SEMA5A: variants seen among roughly 807,000 people sequenced by gnomAD.
The protein encoded by SEMA5A is semaphorin 5A.
A neutral mutation model predicts 135.5 loss-of-function variants in SEMA5A; 55 were observed. The ratio of observed to expected loss-of-function variants is 0.41; its 90% confidence interval spans 0.33 to 0.51. The LOEUF is 0.51. Among genes scored for constraint, SEMA5A ranks in the 20% least tolerant of loss-of-function variants. The pLI is 0.37. For missense variants in SEMA5A, 1,290 were observed against 1,419.9 expected, an observed-to-expected ratio of 0.91 and a Z score of 1.47; for synonymous variants, 580 against 546.5, an observed-to-expected ratio of 1.06 and a Z score of -0.85.
At chr5:9,457,303 C>A (rs1579572379) in intron 1 of SEMA5A, among the ~76,000 whole-genome samples, 1 of 152,324 alleles carries the variant, frequency 6.6e-6, no homozygotes, top group African/African-American at 2.4e-5. Flanking sequence ...TAAGTTCAAA[C>A]CCTGTCACCA....
At chr5:9,403,809 ACAGCT>A (rs1756766714) in intron 2 of SEMA5A, among the ~76,000 whole-genome samples, 1 of 152,230 alleles carries the variant, frequency 6.6e-6, no homozygotes, top group Non-Finnish European at 1.5e-5. Context: ...CTGTTCACAG[ACAGCT>A]CTCCTCTTCT....
intron 16 of SEMA5A, among the ~76,000 whole-genome samples, chr5:9,082,331 G>A (rs558395145): frequency 5.9e-5 from 9 of 152,286 alleles, no homozygotes; most frequent in African/African-American, 2.2e-4. Context: ...GGGGAAAATT[G>A]TCTAAAATAT....
At chr5:9,455,183 C>G (rs1184354841) in intron 1 of SEMA5A, among the ~76,000 whole-genome samples, 2 of 152,240 alleles carry the variant, frequency 1.3e-5, no homozygotes, top group African/African-American at 2.4e-5. Context: ...TGCAGACTAA[C>G]GGCACCTCTG....
intron 4 of SEMA5A, among the ~76,000 whole-genome samples, chr5:9,322,441 C>T (rs1054672478): frequency 1.3e-5 from 2 of 152,082 alleles, no homozygotes; most frequent in East Asian, 1.9e-4. Flanking sequence ...ATACCATCAC[C>T]AGCACCAGCA....
chr5:9,080,915 ATCT>A (rs1421272280), intron 16 of SEMA5A, among the ~76,000 whole-genome samples: 23 of 152,188 alleles, frequency 1.5e-4, no homozygotes, highest in African/African-American at 5.6e-4. Context: ...GCTCTGCATA[ATCT>A]TCTCTCTTGG....
chr5:9,473,495 C>T (rs188070355), intron 1 of SEMA5A, among the ~76,000 whole-genome samples: 3 of 151,414 alleles, frequency 2.0e-5, no homozygotes, highest in Admixed American at 6.6e-5. Flanking sequence ...ATCAGGCTAC[C>T]AAGACGAAGG....
intron 1 of SEMA5A, among the ~76,000 whole-genome samples, chr5:9,538,771 T>C (rs7703528): frequency 0.82 from 124,671 of 152,138 alleles, 51,132 homozygotes; most frequent in Non-Finnish European, 0.85. Flanking sequence ...GAAGAAAGTG[T>C]TTCAGTATCA....
intron 4 of SEMA5A, among the ~76,000 whole-genome samples, chr5:9,333,146 A>C (rs908962134): frequency 1.3e-5 from 2 of 152,138 alleles, no homozygotes; most frequent in African/African-American, 4.8e-5. Context: ...CATTTTAGAA[A>C]CTGAGATAGA....
At position 9,123,236 on chromosome 5, in the gene SEMA5A, G is replaced by A. The variant is rs574149471; in HGVS notation, c.1600-399C>T. On this transcript the variant is annotated intron_variant, in intron 13 of 22. Coordinates refer to ENST00000382496, the MANE Select transcript of SEMA5A (RefSeq NM_003966.3). Reference sequence around the variant, plus strand: ...ATCGCACCACTGCACTCCAGCCTGAGGGAAGGAGCGAGACTCCGCCTCAAA... The same window carrying A: ...ATCGCACCACTGCACTCCAGCCTGAAGGAAGGAGCGAGACTCCGCCTCAAA... 5.0e-5 allele frequency among the ~76,000 whole-genome samples: 6 copies of A among 120,494 alleles called. 1 individual carries two copies. In the East Asian group the frequency reaches 1.5e-3, roughly 30 times the overall value. The allele number at this position is 120,494 out of a possible 152,430, so 79.0% of individuals were successfully genotyped here.
chr5:9,440,684 C>T (rs1020851616), intron 1 of SEMA5A, among the ~76,000 whole-genome samples: 1 of 152,172 alleles, frequency 6.6e-6, no homozygotes, highest in Admixed American at 6.5e-5. Flanking sequence ...GATTGAATAC[C>T]AATTATAACT....
In SEMA5A at chr5:9,309,816, G is replaced by A. The variant is rs115920623; in HGVS notation, c.270+8556C>T. On this transcript the variant is annotated intron_variant, in intron 5 of 22. Transcript: ENST00000382496. ...TAATCAACTATAAATCTTCCAGAACGTTATTTAAAAAGTAGAGTAAATATG... is the reference window on the plus strand; with the variant it reads ...TAATCAACTATAAATCTTCCAGAACATTATTTAAAAAGTAGAGTAAATATG... Among the ~76,000 whole-genome samples the A allele has an allele frequency of 7.2e-3, 892 of 124,616 alleles. 7 individuals carry two copies. Among genetic ancestry groups the A allele is most frequent in the African/African-American group, 0.023 (827 of 36,068 alleles). 81.8% of individuals were successfully genotyped at this position (124,616 alleles called of 152,430 possible). A position where few individuals can be genotyped will look rare whatever the true frequency, so the allele number is the denominator to read the frequency against.
Position 9,040,329 on chromosome 5 carries a change from C to T in SEMA5A, c.*2568G>A, listed in dbSNP as rs1050176066. ...ACCAGGACTTCCAAACAGCCCAGGC[C>T]TAAGGAAGAGCGGCTTTATGAAGGA... is the stretch of plus-strand genomic sequence containing the variant. On this transcript the variant is annotated 3_prime_UTR_variant, in exon 23 of 23. Coordinates refer to ENST00000382496, the MANE Select transcript of SEMA5A (RefSeq NM_003966.3). 2 of 152,226 alleles carry T rather than the reference C, an allele frequency of 1.3e-5. No individual in the cohort carries two copies. Among genetic ancestry groups the T allele is most frequent in the Non-Finnish European group, 2.9e-5 (2 of 68,068 alleles). 9.4% of individuals were successfully genotyped at this position (152,226 alleles called of 1,614,324 possible).
intron 2 of SEMA5A, among the ~76,000 whole-genome samples, chr5:9,387,393 T>C (rs941863951): frequency 6.6e-6 from 1 of 152,208 alleles, no homozygotes; most frequent in Non-Finnish European, 1.5e-5. Flanking sequence ...CTAGCCCCAC[T>C]ACTCCCAGAT....
intron 11 of SEMA5A, among the ~76,000 whole-genome samples, chr5:9,158,921 G>C (rs1156275178): frequency 1.3e-5 from 2 of 150,914 alleles, no homozygotes; most frequent in Non-Finnish European, 3.0e-5. Flanking sequence ...ATATTCTAGG[G>C]TTACCAGATT....
chr5:9,190,129 G>T, intron 11 of SEMA5A, 138 bp downstream of exon 11: 1 of 758,670 alleles, frequency 1.3e-6, no homozygotes, highest in Non-Finnish European at 2.2e-6. Context: ...AGATAAGTGA[G>T]CATCGCGGGT....
intron 1 of SEMA5A, among the ~76,000 whole-genome samples, chr5:9,526,924 T>C (rs954120598): frequency 6.6e-6 from 1 of 152,326 alleles, no homozygotes; most frequent in Non-Finnish European, 1.5e-5. Flanking sequence ...TGTTCCCCTT[T>C]GCAATCACAA....
chr5:9,201,165 G>A (rs1315284336), intron 9 of SEMA5A, among the ~76,000 whole-genome samples: 1 of 152,228 alleles, frequency 6.6e-6, no homozygotes, highest in South Asian at 2.1e-4. Context: ...GTGTAGGAAA[G>A]TGATGCTCAG....
chr5:9,250,341 T>C (rs572331282), intron 5 of SEMA5A, among the ~76,000 whole-genome samples: 1 of 152,270 alleles, frequency 6.6e-6, no homozygotes, highest in South Asian at 2.1e-4. Flanking sequence ...TCCCACCCAT[T>C]CCTTAAGCTG....
At chr5:9,540,854 TG>T (rs945836356) in intron 1 of SEMA5A, among the ~76,000 whole-genome samples, 4 of 152,158 alleles carry the variant, frequency 2.6e-5, no homozygotes, top group African/African-American at 4.8e-5. Flanking sequence ...TCTCCGGTTT[TG>T]TTTTGTTTTG....
Sources: allele counts gnomAD v4.1 joint callset (sites outside exome capture counted in the v4.1 genomes callset), GRCh38; gene constraint gnomAD v4.1.1; transcripts MANE v1.5; gene names NCBI Gene and HGNC (gene_info 2026-07-23, HGNC 2026-07-21).